The following NAALADL2 variants were observed in gnomAD, a reference collection of about 807,000 sequenced individuals.
The protein encoded by NAALADL2 is inactive N-acetylated-alpha-linked acidic dipeptidase-like protein 2.
In NAALADL2, 76 loss-of-function variants were observed where a neutral mutation model predicts 87.2. That is an observed-to-expected ratio of 0.87 (90% CI 0.72 to 1.05). The LOEUF (loss-of-function observed/expected upper bound fraction) is 1.05. Among genes scored for constraint, NAALADL2 ranks in the 50% least tolerant of loss-of-function variants. NAALADL2 has a pLI of 0.00. For synonymous variants in NAALADL2, 354 were observed against 331.0 expected (o/e 1.07, Z -0.75); for missense variants, 1,089 against 945.8 (o/e 1.15, Z -1.99).
intron 4 of NAALADL2, among the ~76,000 whole-genome samples, chr3:175,263,009 A>C (rs1375306628): frequency 6.6e-6 from 1 of 151,474 alleles, no homozygotes; most frequent in African/African-American, 2.4e-5. Flanking sequence ...CAAAAAAAAA[A>C]AAAACAAAAA....
At chr3:175,011,610 C>T (rs1053876357) in intron 1 of NAALADL2, among the ~76,000 whole-genome samples, 4 of 152,122 alleles carry the variant, frequency 2.6e-5, no homozygotes, top group Non-Finnish European at 4.4e-5. Context: ...TAATTGTTCA[C>T]TGAAACACCT....
intron 1 of NAALADL2, among the ~76,000 whole-genome samples, chr3:174,899,173 T>C (rs1367791264): frequency 6.6e-6 from 1 of 152,198 alleles, no homozygotes; most frequent in Non-Finnish European, 1.5e-5. Flanking sequence ...ACTAGGATGC[T>C]ATTATTAACT....
intron 1 of NAALADL2, among the ~76,000 whole-genome samples, chr3:175,085,513 C>T (rs1438114388): frequency 6.6e-6 from 1 of 152,070 alleles, no homozygotes; most frequent in East Asian, 1.9e-4. Flanking sequence ...TTATAAATTA[C>T]TCAGGAAACA....
At chr3:175,060,982 G>T (rs1580245810) in intron 1 of NAALADL2, among the ~76,000 whole-genome samples, 1 of 152,108 alleles carries the variant, frequency 6.6e-6, no homozygotes, top group Admixed American at 6.5e-5. Flanking sequence ...GGAGGTGGAG[G>T]TTGCAGTGAG....
chr3:175,615,856 CA>C (rs1386589150), intron 10 of NAALADL2, among the ~76,000 whole-genome samples: 1 of 146,096 alleles, frequency 6.8e-6, no homozygotes, highest in Non-Finnish European at 1.5e-5. Context: ...GACTCTGTCT[CA>C]AAAAATATAT....
At chr3:175,766,317 TAAC>T (rs1252004801) in intron 13 of NAALADL2, among the ~76,000 whole-genome samples, 3 of 152,132 alleles carry the variant, frequency 2.0e-5, no homozygotes, top group African/African-American at 7.2e-5. Context: ...TTTACATAAA[TAAC>T]AATATAGTAT....
At chr3:175,041,000 T>G (rs1754015529) in intron 1 of NAALADL2, among the ~76,000 whole-genome samples, 1 of 152,122 alleles carries the variant, frequency 6.6e-6, no homozygotes, top group African/African-American at 2.4e-5. Flanking sequence ...ACTGCCTTAA[T>G]TTTTCTGTCA....
At chr3:174,927,946 C>A (rs1366871384) in intron 1 of NAALADL2, among the ~76,000 whole-genome samples, 2 of 151,914 alleles carry the variant, frequency 1.3e-5, no homozygotes, top group Non-Finnish European at 2.9e-5. Flanking sequence ...GATCTACATG[C>A]TTTTCATAGT....
At position 175,234,059 on chromosome 3, in the gene NAALADL2, G is replaced by A. The variant is rs773971489; in HGVS notation, c.674G>A (p.Gly225Asp). 10 of 1,613,734 alleles carry A rather than the reference G, an allele frequency of 6.2e-6. No individual in the cohort carries two copies. In the African/African-American group the frequency reaches 9.3e-5, roughly 15 times the overall value. Reference protein sequence around the residue: ...VNYSVLLDLPGPSPSTVTLSS... With the variant: ...VNYSVLLDLPDPSPSTVTLSS... Reference sequence around the variant, plus strand: ...TACTCTGTGCTGCTTGATCTGCCAGGCCCTTCTCCCAGCACTGTGACTCTG... The same window carrying A: ...TACTCTGTGCTGCTTGATCTGCCAGACCCTTCTCCCAGCACTGTGACTCTG... The change falls in exon 3 of 14, where the codon GGC becomes GAC. Residue 225 changes from glycine (G) to aspartate (D), a missense_variant. Coordinates refer to ENST00000454872, the MANE Select transcript of NAALADL2 (RefSeq NM_207015.3).
chr3:174,629,482 C>T (rs1578368107), intron 2 of NAALADL2, among the ~76,000 whole-genome samples: 2 of 152,176 alleles, frequency 1.3e-5, no homozygotes, highest in African/African-American at 4.8e-5. Context: ...CAGAATCACT[C>T]TTTTGATTTG....
intron 5 of NAALADL2, among the ~76,000 whole-genome samples, chr3:175,343,795 CATATT>C (rs1762848676): frequency 6.7e-6 from 1 of 150,068 alleles, no homozygotes; most frequent in South Asian, 2.1e-4. Context: ...TCTGCTAAAA[CATATT>C]AAAAGTGAAA....
At chr3:175,709,312 C>T (rs1003698887) in intron 11 of NAALADL2, among the ~76,000 whole-genome samples, 6 of 152,020 alleles carry the variant, frequency 3.9e-5, no homozygotes, top group Admixed American at 3.3e-4. Flanking sequence ...TGGACTGACA[C>T]CTCCTGTTTT....
intron 10 of NAALADL2, among the ~76,000 whole-genome samples, chr3:175,604,776 G>T (rs1478936243): frequency 1.3e-5 from 2 of 152,232 alleles, no homozygotes; most frequent in East Asian, 3.9e-4. Flanking sequence ...AAAATTAAAA[G>T]ATTTTAAGCA....
intron 1 of NAALADL2, among the ~76,000 whole-genome samples, chr3:174,523,824 A>G (rs574321567): frequency 2.9e-4 from 44 of 152,288 alleles, no homozygotes; most frequent in Admixed American, 1.8e-3. Context: ...CAACGTAATT[A>G]TGTGTCTTAT....
chr3:175,236,243 C>T (rs1462511505), intron 3 of NAALADL2, among the ~76,000 whole-genome samples: 2 of 152,138 alleles, frequency 1.3e-5, no homozygotes, highest in East Asian at 1.9e-4. Flanking sequence ...GAATACTGGC[C>T]GGGCACTGTG....
At chr3:175,397,991 G>A (rs1207815049) in intron 5 of NAALADL2, among the ~76,000 whole-genome samples, 1 of 152,044 alleles carries the variant, frequency 6.6e-6, no homozygotes, top group East Asian at 1.9e-4. Context: ...CAAAATTGAA[G>A]TGTTGAATTG....
At chr3:174,751,183 A>T (rs1249551191) in intron 3 of NAALADL2, among the ~76,000 whole-genome samples, 2 of 152,120 alleles carry the variant, frequency 1.3e-5, no homozygotes, top group African/African-American at 4.8e-5. Flanking sequence ...ATTAAGCACA[A>T]CAGCAAATTT....
chr3:175,400,091 T>C (rs769821999), intron 5 of NAALADL2, among the ~76,000 whole-genome samples: 2 of 152,060 alleles, frequency 1.3e-5, no homozygotes, highest in African/African-American at 4.8e-5. Context: ...CCTCATTCTC[T>C]ATATGAAAAG....
chr3:175,386,800 C>T (rs1768432215), intron 5 of NAALADL2, among the ~76,000 whole-genome samples: 1 of 152,096 alleles, frequency 6.6e-6, no homozygotes, highest in Non-Finnish European at 1.5e-5. Context: ...GTATGTTAGT[C>T]ACTCTGTAGC....
Sources: allele counts gnomAD v4.1 joint callset (sites outside exome capture counted in the v4.1 genomes callset), GRCh38; gene constraint gnomAD v4.1.1; transcripts MANE v1.5; gene names NCBI Gene and HGNC (gene_info 2026-07-23, HGNC 2026-07-21).